The following SLCO1B1 variants were observed in gnomAD, a reference collection of about 807,000 sequenced individuals.
The protein encoded by SLCO1B1 is solute carrier organic anion transporter family member 1B1, also known as OATP-2.
Under a neutral mutation model 70.1 loss-of-function variants are expected in SLCO1B1, and 81 were observed. The observed-to-expected ratio is 1.16, with a 90% CI of 0.97 to 1.39. The LOEUF (loss-of-function observed/expected upper bound fraction) is 1.39. Ranked by LOEUF, SLCO1B1 falls within the 40% of genes most tolerant of loss-of-function variation. The pLI is 0.00. For synonymous variants in SLCO1B1, 283 were observed against 271.5 expected (o/e 1.04, Z -0.42); for missense variants, 895 against 799.6 (o/e 1.12, Z -1.44).
rs4149021 is a variant in SLCO1B1 at position 21,141,851 on chromosome 12, G to A, written c.84+193G>A. Among the ~76,000 whole-genome samples the A allele has an allele frequency of 0.021, 3,258 of 151,778 alleles. 99 individuals carry two copies. The highest frequency in any genetic ancestry group is 0.12 in the East Asian group (646 of 5,174). On this transcript the variant is annotated intron_variant, in intron 2 of 14. Transcript: ENST00000256958. Reference sequence around the variant, plus strand: ...TAATCTGATTAAGTATTTCTTTGGCGAAATTTTTGATGCTTAATAGTTTAT... The same window carrying A: ...TAATCTGATTAAGTATTTCTTTGGCAAAATTTTTGATGCTTAATAGTTTAT...
intron 14 of SLCO1B1, among the ~76,000 whole-genome samples, chr12:21,236,123 G>C (rs186348849): frequency 1.3e-5 from 2 of 152,248 alleles, no homozygotes; most frequent in African/African-American, 4.8e-5. Context: ...ACAGTGGAGA[G>C]AGTGGGAAAT....
At chr12:21,215,807 C>T (rs142606556) in intron 11 of SLCO1B1, among the ~76,000 whole-genome samples, 1 of 151,892 alleles carries the variant, frequency 6.6e-6, no homozygotes, top group East Asian at 1.9e-4. Context: ...TTTGTATTTC[C>T]AGTAGAATTT....
intron 11 of SLCO1B1, among the ~76,000 whole-genome samples, chr12:21,208,801 T>G (rs1247882147): frequency 6.6e-6 from 1 of 152,120 alleles, no homozygotes; most frequent in African/African-American, 2.4e-5. Context: ...ATAATTTCTT[T>G]CATCAGGGTT....
At chr12:21,205,761 T>TTC (rs1565438584) in intron 10 of SLCO1B1, 107 bp from the exon 11 acceptor site, 3 of 809,012 alleles carry the variant, frequency 3.7e-6, no homozygotes, top group Admixed American at 3.0e-5. Context: ...TTATCTACTT[T>TTC]TTTTCCCTCT....
intron 2 of SLCO1B1, among the ~76,000 whole-genome samples, chr12:21,160,398 T>C (rs953356484): frequency 7.2e-5 from 11 of 151,868 alleles, no homozygotes; most frequent in Admixed American, 7.2e-4. Context: ...GTTCAATAAG[T>C]GATTCTGGGA....
chr12:21,169,173 G>A (rs1344452447), intron 2 of SLCO1B1, among the ~76,000 whole-genome samples: 1 of 152,212 alleles, frequency 6.6e-6, no homozygotes, highest in East Asian at 1.9e-4. Context: ...AAGAGTCTCT[G>A]TTTGTGTGTA....
intron 5 of SLCO1B1, among the ~76,000 whole-genome samples, chr12:21,178,074 G>A (rs1400041207): frequency 6.6e-6 from 1 of 152,084 alleles, no homozygotes; most frequent in Non-Finnish European, 1.5e-5. Context: ...TGTATGATAT[G>A]GCTTGACTGT....
chr12:21,196,984 G>A lies in SLCO1B1; in HGVS notation c.766G>A (p.Gly256Arg), dbSNP rs754247932. The change falls in exon 8 of 15, where the codon GGA becomes AGA. Residue 256 changes from glycine (G) to arginine (R), a missense_variant. Transcript: ENST00000256958. ...RITPTDSRWV[G>R]AWWLNFLVSG... ...AACTCCTACTGATTCTCGATGGGTT[G>A]GAGCTTGGTGGCTTAATTTCCTTGT... 1.3e-5 allele frequency: 21 copies of A among 1,613,404 alleles called. No individual in the cohort carries two copies. The highest frequency in any genetic ancestry group is 1.6e-5 in the Non-Finnish European group (19 of 1,179,582).
chr12:21,222,488 T>G (rs1941440782), intron 13 of SLCO1B1, 124 bp downstream of exon 13: 1 of 232,272 alleles, frequency 4.3e-6, no homozygotes, highest in African/African-American at 2.4e-5. Flanking sequence ...GATTAAAGAC[T>G]GTAATGAATC....
At position 21,137,104 on chromosome 12, in the gene SLCO1B1, C is replaced by G. The variant is rs529145252; in HGVS notation, c.-61-4410C>G. On this transcript the variant is annotated intron_variant, in intron 1 of 14. Transcript: ENST00000256958. ...AGTTTGCTAGAGGTCCACTGCAGAC[C>G]CTGTTTGCCTGGGTTTCAGCCTCAG... 2.7e-4 allele frequency among the ~76,000 whole-genome samples: 41 copies of G among 152,232 alleles called. 1 individual carries two copies. The South Asian group carries it at 5.2e-3, about 19-fold the overall frequency.
chr12:21,168,598 T>G (rs979557115), intron 2 of SLCO1B1, among the ~76,000 whole-genome samples: 5 of 152,216 alleles, frequency 3.3e-5, no homozygotes, highest in Non-Finnish European at 4.4e-5. Context: ...TGTGGGGTGA[T>G]ATCTCATTGT....
At chr12:21,219,421 G>C (rs1229151737) in intron 12 of SLCO1B1, among the ~76,000 whole-genome samples, 10 of 152,210 alleles carry the variant, frequency 6.6e-5, no homozygotes, top group Admixed American at 5.9e-4. Flanking sequence ...CGTGTGTAAG[G>C]AGGAGAGAGG....
chr12:21,172,651 T>A lies in SLCO1B1; in HGVS notation c.86T>A (p.Met29Lys), dbSNP rs762818214. The change falls in exon 3 of 15, where the codon ATG becomes AAG. Residue 29 changes from methionine to lysine, a missense_variant and splice_region_variant. Coordinates refer to ENST00000256958, the MANE Select transcript of SLCO1B1 (RefSeq NM_006446.5). ...KKTRYCNGLK[M>K]FLAALSLSFI... ...CCCTTTCCTTCTGATTTTTCTTAGA[T>A]GTTCTTGGCAGCTCTGTCACTCAGC... is the stretch of plus-strand genomic sequence containing the variant. The A allele has an allele frequency of 3.0e-5, 49 of 1,613,676 alleles. No homozygotes were observed. The highest frequency in any genetic ancestry group is 4.1e-5 in the Non-Finnish European group (48 of 1,179,890).
At chr12:21,177,138 C>T (rs1940832365) in intron 5 of SLCO1B1, among the ~76,000 whole-genome samples, 1 of 152,080 alleles carries the variant, frequency 6.6e-6, no homozygotes, top group Admixed American at 6.6e-5. Flanking sequence ...GATAAACCTG[C>T]CGGTAAGAAT....
chr12:21,171,244 G>A lies in SLCO1B1; in HGVS notation c.85-1406G>A, dbSNP rs117140663. Among the ~76,000 whole-genome samples, 37 of 152,148 alleles carry A rather than the reference G, an allele frequency of 2.4e-4. No individual in the cohort carries two copies. The East Asian group carries it at 5.4e-3, about 22-fold the overall frequency. On this transcript the variant is annotated intron_variant, in intron 2 of 14. Transcript: ENST00000256958. ...GCCTTTCATGTCAAGTGAAAAGCAA[G>A]AACAAAAAGCCTGGAGCAATATAAT...
intron 2 of SLCO1B1, among the ~76,000 whole-genome samples, chr12:21,149,506 C>A (rs992401184): frequency 6.6e-6 from 1 of 152,158 alleles, no homozygotes; most frequent in Non-Finnish European, 1.5e-5. Flanking sequence ...AGGTACCCAG[C>A]TCATCTCTTT....
intron 14 of SLCO1B1, among the ~76,000 whole-genome samples, chr12:21,225,892 C>G (rs929543095): frequency 2.6e-5 from 4 of 152,252 alleles, no homozygotes; most frequent in Middle Eastern, 3.4e-3. Context: ...TAATCATGCA[C>G]CTAGGTATTT....
intron 6 of SLCO1B1, 50 bp downstream of exon 6, chr12:21,178,772 T>C: frequency 6.5e-7 from 1 of 1,533,346 alleles, no homozygotes; most frequent in Admixed American, 1.7e-5. Context: ...CTTTGTCTAC[T>C]TTTGAAATAG....
At chr12:21,151,537 T>C (rs1347823964) in intron 2 of SLCO1B1, among the ~76,000 whole-genome samples, 2 of 152,188 alleles carry the variant, frequency 1.3e-5, no homozygotes, top group Non-Finnish European at 2.9e-5. Context: ...AAAACAGTTA[T>C]GTCTTAGATT....
Sources: gnomAD v4.1 joint callset for allele counts (sites outside exome capture counted in the v4.1 genomes callset) on GRCh38, gnomAD v4.1.1 for gene constraint, MANE v1.5 for transcripts, NCBI Gene and HGNC (gene_info 2026-07-23, HGNC 2026-07-21) for gene names.